FAM227A: variants seen among roughly 807,000 people sequenced by gnomAD.
FAM227A encodes family with sequence similarity 227 member A, also known as protein FAM227A.
In FAM227A, 80 loss-of-function variants were observed where a neutral mutation model predicts 74.7. That is an observed-to-expected ratio of 1.07 (90% CI 0.89 to 1.29). The LOEUF is 1.29. FAM227A is among the 50% of genes most tolerant of loss of function. The pLI, the probability that FAM227A is intolerant of heterozygous loss-of-function variation, is 0.00. For synonymous variants in FAM227A, 237 were observed against 241.8 expected (o/e 0.98, Z 0.19); for missense variants, 654 against 683.4 (o/e 0.96, Z 0.48).
intron 2 of FAM227A, among the ~76,000 whole-genome samples, chr22:38,647,147 T>G (rs1029356792): frequency 5.5e-5 from 7 of 127,574 alleles, no homozygotes; most frequent in Non-Finnish European, 1.2e-4. Context: ...AGACTCCATC[T>G]CAAAAATAAA....
chr22:38,583,110 T>C lies in FAM227A; in HGVS notation c.*3015A>G. On this transcript the variant is annotated 3_prime_UTR_variant, in exon 17 of 17. Coordinates refer to ENST00000535113, the MANE Select transcript of FAM227A (RefSeq NM_001013647.2). ...AAGGTGAGAGAGTGTTCTGCTTATC[T>C]GCCCCACATGGTGCCTTGTACTCGG... The C allele has an allele frequency of 1.4e-6, 1 of 709,602 alleles. No homozygotes were observed. The allele number at this position is 709,602 out of a possible 1,614,324, so 44.0% of individuals were successfully genotyped here.
intron 8 of FAM227A, among the ~76,000 whole-genome samples, 189 bp from the exon 9 acceptor site, chr22:38,626,492 G>A (rs985001493): frequency 4.0e-5 from 6 of 151,766 alleles, no homozygotes; most frequent in African/African-American, 1.5e-4. Flanking sequence ...TAATCCACTT[G>A]CCTCAGCCTT....
Position 38,620,243 on chromosome 22 carries a change from G to A in FAM227A, c.1007C>T (p.Pro336Leu). ...GTGGTAGAATTTCCTGCTCTGGGCT[G>A]GCTTCTGGGAGAAGGCTCTCTTACC... ...FAGKRAFSQK[P>L]AQSRKFYHPQ... The change falls in exon 11 of 17, where the codon CCA becomes CTA. Residue 336 changes from proline to leucine, a missense_variant. Transcript: ENST00000535113. The A allele has an allele frequency of 5.8e-6, 9 of 1,551,400 alleles. No homozygotes were observed. Among genetic ancestry groups the A allele is most frequent in the Non-Finnish European group, 7.8e-6 (9 of 1,146,784 alleles).
At chr22:38,646,770 T>C in intron 2 of FAM227A, among the ~76,000 whole-genome samples, 1 of 152,114 alleles carries the variant, frequency 6.6e-6, no homozygotes, top group East Asian at 1.9e-4. Flanking sequence ...AATGACATTA[T>C]ACTAATCCAT....
chr22:38,588,695 G>A (rs2090863437), intron 16 of FAM227A, among the ~76,000 whole-genome samples: 1 of 150,434 alleles, frequency 6.6e-6, no homozygotes, highest in South Asian at 2.1e-4. Flanking sequence ...GGCCGAGACG[G>A]GTGGATCACG....
intron 9 of FAM227A, among the ~76,000 whole-genome samples, chr22:38,624,544 A>G (rs1233113451): frequency 1.3e-5 from 2 of 152,220 alleles, no homozygotes; most frequent in Non-Finnish European, 2.9e-5. Context: ...AACTCTCTTA[A>G]CGGAAGAAGA....
At chr22:38,650,865 C>A (rs1305963501) in intron 1 of FAM227A, among the ~76,000 whole-genome samples, 1 of 152,166 alleles carries the variant, frequency 6.6e-6, no homozygotes, top group Non-Finnish European at 1.5e-5. Context: ...CATCTGTGGG[C>A]CCTCTATGTC....
chr22:38,638,878 G>C, intron 4 of FAM227A, 56 bp from the exon 5 acceptor site: 1 of 1,150,076 alleles, frequency 8.7e-7, no homozygotes, highest in South Asian at 1.6e-5. Flanking sequence ...GTCCACAGCT[G>C]TGCGGTGCTT....
At chr22:38,643,644 C>G (rs1737961851) in intron 3 of FAM227A, among the ~76,000 whole-genome samples, 2 of 152,002 alleles carry the variant, frequency 1.3e-5, no homozygotes, top group Non-Finnish European at 2.9e-5. Context: ...AATTGTGCTC[C>G]CTGGTATTTA....
Position 38,582,253 on chromosome 22 carries a change from T to G in FAM227A, c.*3872A>C, listed in dbSNP as rs566625278. On this transcript the variant is annotated 3_prime_UTR_variant, in exon 17 of 17. Transcript: ENST00000535113. ...CCCTCTCCAGCTATCCCTCCTGTTCTTCAGGAAACTGTATGTTCTAAAACA... is the reference window on the plus strand; with the variant it reads ...CCCTCTCCAGCTATCCCTCCTGTTCGTCAGGAAACTGTATGTTCTAAAACA... The G allele has an allele frequency of 7.6e-7, 1 of 1,322,036 alleles. No individual in the cohort carries two copies. The allele number at this position is 1,322,036 out of a possible 1,614,324, so 81.9% of individuals were successfully genotyped here. A position where few individuals can be genotyped will look rare whatever the true frequency, so the allele number is the denominator to read the frequency against.
chr22:38,632,712 G>A (rs1475015794), intron 6 of FAM227A, among the ~76,000 whole-genome samples: 1 of 152,134 alleles, frequency 6.6e-6, no homozygotes, highest in Non-Finnish European at 1.5e-5. Context: ...CCAAGATAGT[G>A]CTGTTTGCAT....
intron 11 of FAM227A, among the ~76,000 whole-genome samples, chr22:38,614,661 A>G (rs2091539099): frequency 2.0e-5 from 3 of 152,248 alleles, no homozygotes. Context: ...TGGTTTGCCC[A>G]TTAAAACTTC....
intron 2 of FAM227A, 140 bp downstream of exon 2, chr22:38,649,887 A>C: frequency 1.3e-6 from 1 of 798,100 alleles, no homozygotes; most frequent in Non-Finnish European, 1.9e-6. Flanking sequence ...AAAGAAAGAA[A>C]AGAAAAGAAA....
intron 9 of FAM227A, among the ~76,000 whole-genome samples, chr22:38,624,376 CA>C (rs1297660467): frequency 6.7e-6 from 1 of 149,346 alleles, no homozygotes; most frequent in Non-Finnish European, 1.5e-5. Flanking sequence ...GCAATAAGAG[CA>C]AAACTCCATC....
intron 10 of FAM227A, among the ~76,000 whole-genome samples, chr22:38,621,846 C>T (rs760467070): frequency 6.6e-6 from 1 of 152,176 alleles, no homozygotes; most frequent in Non-Finnish European, 1.5e-5. Flanking sequence ...CAAATCTCAG[C>T]TCAAACGCCA....
At chr22:38,611,200 G>C (rs571025133) in intron 11 of FAM227A, among the ~76,000 whole-genome samples, 1 of 152,330 alleles carries the variant, frequency 6.6e-6, no homozygotes, top group African/African-American at 2.4e-5. Context: ...TCCCATCCCA[G>C]CATAGAGGAG....
Position 38,614,917 on chromosome 22 carries a change from G to A in FAM227A, c.1038+5295C>T, listed in dbSNP as rs115450245. ...TCATCTGCACTTTTTGGGAACTGAC[G>A]TTTACAGAGCACAGTCATATGCTAA... On this transcript the variant is annotated intron_variant, in intron 11 of 16. Coordinates refer to ENST00000535113, the MANE Select transcript of FAM227A (RefSeq NM_001013647.2). Among the ~76,000 whole-genome samples, 308 of 152,304 alleles carry A rather than the reference G, an allele frequency of 2.0e-3. 2 individuals are homozygous for A. Among genetic ancestry groups the A allele is most frequent in the African/African-American group, 7.1e-3 (293 of 41,556 alleles).
chr22:38,579,356 G>T lies in FAM227A; in HGVS notation c.*6769C>A, dbSNP rs1176563368. The T allele has an allele frequency of 6.6e-6, 1 of 152,166 alleles. No homozygotes were observed. Among genetic ancestry groups the T allele is most frequent in the East Asian group, 1.9e-4 (1 of 5,200 alleles). The allele number at this position is 152,166 out of a possible 1,614,324, so 9.4% of individuals were successfully genotyped here. ...GCTCCTGTGTGGAGAACTGATTGGA[G>T]GGGCAAGAGAAAGGGCAAAGAGAAT... On this transcript the variant is annotated 3_prime_UTR_variant, in exon 17 of 17. Transcript: ENST00000535113.
chr22:38,598,349 C>G lies in FAM227A; in HGVS notation c.1380-993G>C, dbSNP rs534091187. Among the ~76,000 whole-genome samples, 38 of 152,254 alleles carry G rather than the reference C, an allele frequency of 2.5e-4. No individual in the cohort carries two copies. In the South Asian group the frequency reaches 7.9e-3, roughly 32 times the overall value. ...GGAATGAGTAGATAAAGATATTGAG[C>G]TTGGAGGTCGAGCTGTGCACATAAG... On this transcript the variant is annotated intron_variant, in intron 14 of 16. Transcript: ENST00000535113.
Sources: allele counts gnomAD v4.1 joint callset (sites outside exome capture counted in the v4.1 genomes callset), GRCh38; gene constraint gnomAD v4.1.1; transcripts MANE v1.5; gene names NCBI Gene and HGNC (gene_info 2026-07-23, HGNC 2026-07-21).